The following ZNF555 variants were observed in gnomAD, a reference collection of about 807,000 sequenced individuals.
The protein encoded by ZNF555 is zinc finger protein 555.
In ZNF555, 10 loss-of-function variants were observed where a neutral mutation model predicts 14.0. That is an observed-to-expected ratio of 0.72 (90% CI 0.44 to 1.21). The LOEUF (loss-of-function observed/expected upper bound fraction) is 1.21, where lower values mean the gene tolerates loss of function less well. ZNF555 is among the 50% of genes most tolerant of loss of function. The probability of loss-of-function intolerance (pLI) is 0.00; values close to 1 mark genes in which losing one functional copy is unlikely to be tolerated. For missense variants in ZNF555, 747 were observed against 762.0 expected (o/e 0.98, Z 0.23); for synonymous variants, 277 against 262.4 (o/e 1.06, Z -0.54).
chr19:2,855,502 G>C lies in ZNF555; in HGVS notation c.*1550G>C, dbSNP rs937418243. Reference sequence around the variant, plus strand: ...GGAGGCGGAGGTTGCAGTGAGCCAAGATCACACCACTGCACTCCAGCCTGG... The same window carrying C: ...GGAGGCGGAGGTTGCAGTGAGCCAACATCACACCACTGCACTCCAGCCTGG... On this transcript the variant is annotated 3_prime_UTR_variant, in exon 4 of 4. Coordinates refer to ENST00000334241, the MANE Select transcript of ZNF555 (RefSeq NM_152791.5). The C allele has an allele frequency of 3.9e-5, 6 of 152,086 alleles. No homozygotes were observed. The highest frequency in any genetic ancestry group is 1.4e-4 in the African/African-American group (6 of 41,382). 9.4% of individuals were successfully genotyped at this position (152,086 alleles called of 1,614,324 possible).
rs1010544356 is a variant in ZNF555 at position 2,847,072 on chromosome 19, A to G, written c.4-3515A>G. ...AATCCATACACCAGGGGCAAAGAGC[A>G]AAGAAGTTGTGTCTGTCACTTAAAA... is the stretch of plus-strand genomic sequence containing the variant. On this transcript the variant is annotated intron_variant, in intron 1 of 3. Transcript: ENST00000334241. 7.2e-5 allele frequency among the ~76,000 whole-genome samples: 11 copies of G among 152,332 alleles called. No individual in the cohort carries two copies. The South Asian group carries it at 1.0e-3, about 14-fold the overall frequency.
chr19:2,852,940 C>G lies in ZNF555; in HGVS notation c.875C>G (p.Ala292Gly), dbSNP rs752713871. The G allele has an allele frequency of 1.9e-6, 3 of 1,614,210 alleles. No individual in the cohort carries two copies. The highest frequency in any genetic ancestry group is 2.7e-5 in the African/African-American group (2 of 75,056). The change falls in exon 4 of 4, where the codon GCC (alanine) becomes GGC (glycine). Residue 292 changes from alanine to glycine, a missense_variant. By Grantham distance (60) the Ala-to-Gly change is moderately conservative (BLOSUM62 0). Coordinates refer to ENST00000334241, the MANE Select transcript of ZNF555 (RefSeq NM_152791.5). Reference sequence around the variant, plus strand: ...TATAAATGTAAGGAATGTGCGGAAGCCTTTAGTTATTCCTCAACTTTTCGA... The same window carrying G: ...TATAAATGTAAGGAATGTGCGGAAGGCTTTAGTTATTCCTCAACTTTTCGA... ...KPYKCKECAEAFSYSSTFRRH... is the reference protein window; with the variant it reads ...KPYKCKECAEGFSYSSTFRRH...
chr19:2,853,383 C>T lies in ZNF555; in HGVS notation c.1318C>T (p.Arg440Ter), dbSNP rs764533148. The T allele has an allele frequency of 1.4e-5, 23 of 1,613,736 alleles. No individual in the cohort carries two copies. The highest frequency in any genetic ancestry group is 6.7e-5 in the African/African-American group (5 of 74,858). The part of the protein sequence containing the change: ...GKTFNWPISL[R>*]KHMRTHTREK... ...AACTTTCAATTGGCCCATATCTTTACGAAAACATATGAGAACACATACTAG... is the reference window on the plus strand; with the variant it reads ...AACTTTCAATTGGCCCATATCTTTATGAAAACATATGAGAACACATACTAG... The change falls in exon 4 of 4, where the codon CGA becomes TGA. Residue 440 changes from arginine to a stop codon, truncating the protein, a stop_gained. Transcript: ENST00000334241. LOFTEE classifies it low-confidence loss of function (END_TRUNC).
intron 1 of ZNF555, among the ~76,000 whole-genome samples, chr19:2,845,361 T>C (rs1261797309): frequency 6.6e-6 from 1 of 152,120 alleles, no homozygotes; most frequent in Non-Finnish European, 1.5e-5. Flanking sequence ...TTTAGTGCAC[T>C]GTCTTTGGTC....
At chr19:2,850,808 G>C in intron 2 of ZNF555, 95 bp downstream of exon 2, 1 of 1,475,828 alleles carries the variant, frequency 6.8e-7, no homozygotes, top group Non-Finnish European at 9.3e-7. Flanking sequence ...ATGTGGAAAG[G>C]GAATAAATTG....
At chr19:2,842,647 T>G (rs1351862060) in intron 1 of ZNF555, among the ~76,000 whole-genome samples, 1 of 152,182 alleles carries the variant, frequency 6.6e-6, no homozygotes, top group Non-Finnish European at 1.5e-5. Flanking sequence ...TGGCCAGACT[T>G]GACCCCTCCC....
chr19:2,842,283 C>A, intron 1 of ZNF555, among the ~76,000 whole-genome samples: 1 of 152,306 alleles, frequency 6.6e-6, no homozygotes. Flanking sequence ...CCCAAGATGC[C>A]TGGGGTAGGT....
intron 1 of ZNF555, among the ~76,000 whole-genome samples, chr19:2,845,412 T>A (rs2087574069): frequency 6.6e-6 from 1 of 152,242 alleles, no homozygotes; most frequent in South Asian, 2.1e-4. Flanking sequence ...TGAATGCTGC[T>A]GCAGTGAACA....
chr19:2,852,789 A>C lies in ZNF555; in HGVS notation c.724A>C (p.Ser242Arg), dbSNP rs775903186. Residue 242 changes from serine to arginine, a missense_variant, in exon 4 of 4, where the codon AGT becomes CGT. Coordinates refer to ENST00000334241, the MANE Select transcript of ZNF555 (RefSeq NM_152791.5). ...QCGKAFIDFS[S>R]LTSHLRSHTG... ...TGGGAAAGCCTTTATTGACTTCTCA[A>C]GTCTTACTAGTCATCTCAGAAGTCA... 6.2e-7 allele frequency: 1 copy of C among 1,614,002 alleles called. No individual in the cohort carries two copies. Among genetic ancestry groups the C allele is most frequent in the Admixed American group, 1.7e-5 (1 of 60,010 alleles).
chr19:2,843,391 C>T (rs1159459045), intron 1 of ZNF555, among the ~76,000 whole-genome samples: 5 of 152,252 alleles, frequency 3.3e-5, no homozygotes, highest in African/African-American at 1.2e-4. Context: ...TCTCGAACTC[C>T]TGAGCTCAGG....
intron 2 of ZNF555, among the ~76,000 whole-genome samples, chr19:2,850,933 T>A (rs1190315860): frequency 1.3e-5 from 2 of 152,150 alleles, no homozygotes; most frequent in African/African-American, 2.4e-5. Flanking sequence ...TCCCTTCATG[T>A]CGTCATTGTG....
At chr19:2,849,766 G>A (rs772926526) in intron 1 of ZNF555, among the ~76,000 whole-genome samples, 6 of 152,050 alleles carry the variant, frequency 3.9e-5, no homozygotes, top group Non-Finnish European at 8.8e-5. Flanking sequence ...GGGGTTACAG[G>A]CATGAGCCAC....
chr19:2,858,653 GC>G lies in ZNF555; in HGVS notation c.*4704del, dbSNP rs749998643. 3 of 152,288 alleles carry G rather than the reference GC, an allele frequency of 2.0e-5. No homozygotes were observed. The highest frequency in any genetic ancestry group is 6.5e-5 in the Admixed American group (1 of 15,284). 9.4% of individuals were successfully genotyped at this position (152,288 alleles called of 1,614,324 possible). ...CTCTTGCTGTTGGGAACACGTGGCAGCCCTGCGTTGTGAGGTGAGAGAAGAG... is the reference window on the plus strand; with the variant it reads ...CTCTTGCTGTTGGGAACACGTGGCAGCCTGCGTTGTGAGGTGAGAGAAGAG... On this transcript the variant is annotated 3_prime_UTR_variant, in exon 4 of 4. Transcript: ENST00000334241.
chr19:2,843,359 C>T (rs1185895585), intron 1 of ZNF555, among the ~76,000 whole-genome samples: 1 of 152,070 alleles, frequency 6.6e-6, no homozygotes, highest in African/African-American at 2.4e-5. Flanking sequence ...GGGATGGGGT[C>T]TCATTCTGTT....
rs951751750 is a variant in ZNF555, at chr19:2,853,714, C to G, written c.1649C>G (p.Ser550Cys). Residue 550 changes from serine (S) to cysteine (C), a missense_variant, in exon 4 of 4, where the codon TCT becomes TGT. Coordinates refer to ENST00000334241, the MANE Select transcript of ZNF555 (RefSeq NM_152791.5). Reference protein sequence around the residue: ...ECGKVFKWPSSLPIHMRLHTG... With the variant: ...ECGKVFKWPSCLPIHMRLHTG... The stretch of plus-strand genomic sequence containing the variant: ...GGGAAGGTCTTCAAATGGCCATCAT[C>G]TTTACCAATACATATGAGACTGCAC... 6.3e-7 allele frequency: 1 copy of G among 1,581,922 alleles called. No homozygotes were observed. The highest frequency in any genetic ancestry group is 8.6e-7 in the Non-Finnish European group (1 of 1,165,176).
intron 1 of ZNF555, among the ~76,000 whole-genome samples, chr19:2,844,090 TC>T (rs2087561545): frequency 1.2e-5 from 1 of 81,760 alleles, no homozygotes; most frequent in South Asian, 5.4e-4. Flanking sequence ...TTTCTCTCTC[TC>T]TCTTTTCTTT....
At chr19:2,842,751 A>C (rs1460477676) in intron 1 of ZNF555, among the ~76,000 whole-genome samples, 1 of 152,144 alleles carries the variant, frequency 6.6e-6, no homozygotes, top group African/African-American at 2.4e-5. Flanking sequence ...TGGAAGATAA[A>C]ATATTTCCAG....
At position 2,857,394 on chromosome 19, in the gene ZNF555, A is replaced by C. The variant is rs1298003411; in HGVS notation, c.*3442A>C. The C allele has an allele frequency of 6.6e-6, 1 of 152,222 alleles. No individual in the cohort carries two copies. The highest frequency in any genetic ancestry group is 1.5e-5 in the Non-Finnish European group (1 of 68,036). The allele number at this position is 152,222 out of a possible 1,614,324, so 9.4% of individuals were successfully genotyped here. The stretch of plus-strand genomic sequence containing the variant: ...CATTGTCAAGACTTAAATTTAGAAC[A>C]CTGGAAAGCAAGTATAATTAATTTT... On this transcript the variant is annotated 3_prime_UTR_variant, in exon 4 of 4. Coordinates refer to ENST00000334241, the MANE Select transcript of ZNF555 (RefSeq NM_152791.5).
chr19:2,853,421 T>C lies in ZNF555; in HGVS notation c.1356T>C (p.Tyr452=), dbSNP rs137918239. The change falls in exon 4 of 4, where the codon TAT becomes TAC. Residue 452 remains tyrosine (Y), a synonymous_variant. Transcript: ENST00000334241. ...GAACACATACTAGAGAGAAACCCTATGAATGTAAGCAGTGTGGGAAAGCCT... is the reference window on the plus strand; with the variant it reads ...GAACACATACTAGAGAGAAACCCTACGAATGTAAGCAGTGTGGGAAAGCCT... ...HMRTHTREKP[Y]ECKQCGKAFS... 9.3e-6 allele frequency: 15 copies of C among 1,614,120 alleles called. No homozygotes were observed. The African/African-American group carries it at 1.6e-4, about 17-fold the overall frequency.
Sources: allele counts gnomAD v4.1 joint callset (sites outside exome capture counted in the v4.1 genomes callset), GRCh38; gene constraint gnomAD v4.1.1; transcripts MANE v1.5; gene names NCBI Gene and HGNC (gene_info 2026-07-23, HGNC 2026-07-21).